The following DAPK1 variants were observed in gnomAD, a reference collection of about 807,000 sequenced individuals.
The protein encoded by DAPK1 is death associated protein kinase 1, also known as death-associated protein kinase 1.
Under a neutral mutation model 144.9 loss-of-function variants are expected in DAPK1, and 56 were observed. The ratio of observed to expected loss-of-function variants is 0.39; its 90% CI spans 0.31 to 0.48. DAPK1 has a LOEUF of 0.48. Among genes scored for constraint, DAPK1 ranks in the 20% least tolerant of loss-of-function variants. The probability of loss-of-function intolerance (pLI) is 0.95; values close to 1 mark genes in which losing one functional copy is unlikely to be tolerated. For missense variants in DAPK1, 1,454 were observed against 1,875.4 expected (o/e 0.78, Z 4.15); for synonymous variants, 690 against 749.0 (o/e 0.92, Z 1.29).
In DAPK1 at chr9:87,621,542, C is replaced by G. The variant is rs36209079; in HGVS notation, c.284+16367C>G. Among the ~76,000 whole-genome samples the G allele has an allele frequency of 2.7e-3, 413 of 152,284 alleles. 1 individual carries two copies. The highest frequency in any genetic ancestry group is 9.3e-3 in the African/African-American group (386 of 41,560). The stretch of plus-strand genomic sequence containing the variant: ...CATCGTCTTCCTTGTGTGTATCACT[C>G]CCATTGTTGGTGTGCCATTTTCTGA... On this transcript the variant is annotated intron_variant, in intron 3 of 25. Coordinates refer to ENST00000408954, the MANE Select transcript of DAPK1 (RefSeq NM_004938.4).
chr9:87,599,390 G>C (rs1365577591), intron 2 of DAPK1, among the ~76,000 whole-genome samples: 3 of 152,190 alleles, frequency 2.0e-5, no homozygotes, highest in Admixed American at 6.5e-5. Context: ...TGACTGCAGA[G>C]GTAGTAGTCA....
At chr9:87,625,119 G>T (rs946469534) in intron 3 of DAPK1, among the ~76,000 whole-genome samples, 2 of 152,244 alleles carry the variant, frequency 1.3e-5, no homozygotes, top group South Asian at 2.1e-4. Context: ...ACAGATGCAA[G>T]AGAGTGTATG....
intron 2 of DAPK1, among the ~76,000 whole-genome samples, chr9:87,527,197 G>A (rs540049907): frequency 1.1e-4 from 15 of 139,390 alleles, no homozygotes; most frequent in African/African-American, 3.6e-4. Context: ...AACCACCCAA[G>A]GGTGGCATTG....
intron 2 of DAPK1, among the ~76,000 whole-genome samples, chr9:87,521,463 A>G (rs1313350582): frequency 6.6e-6 from 1 of 152,198 alleles, no homozygotes; most frequent in Non-Finnish European, 1.5e-5. Context: ...GAGCCAGTCC[A>G]TGGGACTCCA....
At chr9:87,641,853 A>T in intron 9 of DAPK1, 116 bp from the exon 10 acceptor site, 1 of 767,530 alleles carries the variant, frequency 1.3e-6, no homozygotes, top group Non-Finnish European at 2.1e-6. Flanking sequence ...TCTTATGCTA[A>T]TTTAATAAGG....
intron 19 of DAPK1, among the ~76,000 whole-genome samples, chr9:87,675,848 TACAC>T (rs763359644): frequency 0.2 from 22,964 of 117,112 alleles, 2,237 homozygotes; most frequent in Non-Finnish European, 0.21. Flanking sequence ...CATTCTACCC[TACAC>T]ACACACACAC....
rs577558057 is a variant in DAPK1, at chr9:87,691,117, A to G, written c.2413+4378A>G. On this transcript the variant is annotated intron_variant, in intron 21 of 25. Transcript: ENST00000408954. ...GAGGAGAATCATTAGTTCTTCTGAC[A>G]TCCAAACCTGGACTTCTCTTTTTGG... is the stretch of plus-strand genomic sequence containing the variant. 2.6e-5 allele frequency among the ~76,000 whole-genome samples: 4 copies of G among 152,092 alleles called. No homozygotes were observed. In the South Asian group the frequency reaches 8.3e-4, roughly 32 times the overall value.
Position 87,686,755 on chromosome 9 carries a change from C to G in DAPK1, c.2413+16C>G. ...TATTTGAATGGTATGCCCTGCCTGC[C>G]CCAAGGGAAGGACCTCAGGTTTCCC... On this transcript the variant is annotated intron_variant, in intron 21 of 25. Coordinates refer to ENST00000408954, the MANE Select transcript of DAPK1 (RefSeq NM_004938.4). This position sits in a 1 kb window ranked among gnomAD's most constrained non-coding sequence, Gnocchi z 4.2. 6.3e-7 allele frequency: 1 copy of G among 1,587,282 alleles called. No homozygotes were observed. Among genetic ancestry groups the G allele is most frequent in the Non-Finnish European group, 8.6e-7 (1 of 1,157,812 alleles).
intron 2 of DAPK1, among the ~76,000 whole-genome samples, chr9:87,585,794 G>T (rs1827925570): frequency 6.6e-6 from 1 of 152,218 alleles, no homozygotes; most frequent in South Asian, 2.1e-4. Context: ...TTGAAGTAGG[G>T]CTGGTTTGAA....
chr9:87,498,040 G>C lies in DAPK1; in HGVS notation c.-176G>C, dbSNP rs543349629. 3 of 397,944 alleles carry C rather than the reference G, an allele frequency of 7.5e-6. No individual in the cohort carries two copies. The highest frequency in any genetic ancestry group is 1.3e-5 in the Non-Finnish European group (3 of 225,702). The allele number at this position is 397,944 out of a possible 1,614,324, so 24.7% of individuals were successfully genotyped here. A position where few individuals can be genotyped will look rare whatever the true frequency, so the allele number is the denominator to read the frequency against. The stretch of plus-strand genomic sequence containing the variant: ...CCCGCCGCCGCCCCGGCTAGTCTCC[G>C]GCGCTGGCGCCTATGGTCGGCCTCC... On this transcript the variant is annotated 5_prime_UTR_variant, in exon 1 of 26. Coordinates refer to ENST00000408954, the MANE Select transcript of DAPK1 (RefSeq NM_004938.4).
At position 87,597,292 on chromosome 9, in the gene DAPK1, A is replaced by G. The variant is rs1381034504; in HGVS notation, c.63-7662A>G. Among the ~76,000 whole-genome samples, 15 of 152,264 alleles carry G rather than the reference A, an allele frequency of 9.9e-5. No individual in the cohort carries two copies. The East Asian group carries it at 2.5e-3, about 26-fold the overall frequency. On this transcript the variant is annotated intron_variant, in intron 2 of 25. Transcript: ENST00000408954. ...AGGTGCTGTCTGCTTCCCATCACCTACTTCCAGCTGAAAGCTTCAGCATCT... is the reference window on the plus strand; with the variant it reads ...AGGTGCTGTCTGCTTCCCATCACCTGCTTCCAGCTGAAAGCTTCAGCATCT...
chr9:87,526,194 A>G (rs565251542), intron 2 of DAPK1, among the ~76,000 whole-genome samples: 2 of 152,312 alleles, frequency 1.3e-5, no homozygotes, highest in South Asian at 4.1e-4. Context: ...TGTGTTCAGT[A>G]ACATTCACAC....
At chr9:87,653,674 A>G (rs1282283549) in intron 17 of DAPK1, among the ~76,000 whole-genome samples, 2 of 147,550 alleles carry the variant, frequency 1.4e-5, no homozygotes, top group African/African-American at 5.0e-5. Context: ...TATTTTATTT[A>G]TTTATTTTAT....
chr9:87,516,595 C>T (rs906440169), intron 2 of DAPK1, among the ~76,000 whole-genome samples: 1 of 151,844 alleles, frequency 6.6e-6, no homozygotes, highest in Non-Finnish European at 1.5e-5. Flanking sequence ...TCAGGTAACT[C>T]CTTGTTTCTT....
At chr9:87,499,229 A>T in intron 2 of DAPK1, 90 bp downstream of exon 2, 1 of 1,164,524 alleles carries the variant, frequency 8.6e-7, no homozygotes, top group African/African-American at 1.5e-5. Context: ...AGTTTGAATC[A>T]GGCGTCTCCC....
At chr9:87,609,505 C>T (rs1828851915) in intron 3 of DAPK1, among the ~76,000 whole-genome samples, 1 of 151,856 alleles carries the variant, frequency 6.6e-6, no homozygotes. Context: ...TTTCTTTTTG[C>T]TATACTTGTT....
At chr9:87,598,852 A>G (rs1206298949) in intron 2 of DAPK1, among the ~76,000 whole-genome samples, 1 of 152,220 alleles carries the variant, frequency 6.6e-6, no homozygotes, top group Non-Finnish European at 1.5e-5. Context: ...TTGAGAATCA[A>G]CTTGGGTTTC....
chr9:87,518,153 C>T (rs1043696093), intron 2 of DAPK1, among the ~76,000 whole-genome samples: 3 of 146,870 alleles, frequency 2.0e-5, no homozygotes, highest in African/African-American at 7.6e-5. Flanking sequence ...GCTCTATCAC[C>T]CAGGCTGAAG....
At chr9:87,504,622 A>C (rs565960605) in intron 2 of DAPK1, among the ~76,000 whole-genome samples, 3 of 152,216 alleles carry the variant, frequency 2.0e-5, no homozygotes, top group Non-Finnish European at 4.4e-5. Flanking sequence ...TGAAAAACTC[A>C]TAAGAAACCT....
Sources: allele counts gnomAD v4.1 joint callset (sites outside exome capture counted in the v4.1 genomes callset), GRCh38; gene constraint gnomAD v4.1.1; non-coding constraint Gnocchi (gnomAD v3.1); transcripts MANE v1.5; gene names NCBI Gene and HGNC (gene_info 2026-07-23, HGNC 2026-07-21).